The following OR51B5 variants were observed in gnomAD, a reference collection of about 807,000 sequenced individuals.
OR51B5 encodes olfactory receptor 51B5.
For synonymous variants in OR51B5, 186 were observed against 144.8 expected (o/e 1.28, Z -2.04); for missense variants, 456 against 374.6 (o/e 1.22, Z -1.79).
chr11:5,351,956 C>G lies in OR51B5; in HGVS notation n.85-5046G>C, dbSNP rs376314543. ...ATTGGTGTGCGGGTATTGACAAGGG[C>G]TGGTCTGTCCATTATGCCAATAGTT... On this transcript the variant is annotated intron_variant and non_coding_transcript_variant, in intron 1 of 4. Transcript: ENST00000415970. 5.0e-6 allele frequency: 8 copies of G among 1,612,884 alleles called. No individual in the cohort carries two copies. In the East Asian group the frequency reaches 1.6e-4, roughly 31 times the overall value.
intron 1 of OR51B5, among the ~76,000 whole-genome samples, chr11:5,358,514 C>A (rs1442007654): frequency 3.9e-5 from 6 of 152,084 alleles, no homozygotes; most frequent in Non-Finnish European, 7.4e-5. Flanking sequence ...GCTTACCAAC[C>A]AAAAACAGTC....
At chr11:5,434,419 A>C (rs1850567556) in intron 1 of OR51B5, among the ~76,000 whole-genome samples, 1 of 152,204 alleles carries the variant, frequency 6.6e-6, no homozygotes, top group East Asian at 1.9e-4. Context: ...GGATTTGCTT[A>C]TAACACTCCA....
chr11:5,396,841 G>T (rs1439776200), intron 1 of OR51B5, among the ~76,000 whole-genome samples: 2 of 152,040 alleles, frequency 1.3e-5, no homozygotes, highest in Non-Finnish European at 2.9e-5. Flanking sequence ...GCATAGTACT[G>T]GTACCAAAAC....
chr11:5,421,441 C>A (rs1254362006), intron 1 of OR51B5, among the ~76,000 whole-genome samples: 1 of 152,212 alleles, frequency 6.6e-6, no homozygotes, highest in Non-Finnish European at 1.5e-5. Context: ...TACGAGTTAT[C>A]CACTTAAAGC....
intron 1 of OR51B5, among the ~76,000 whole-genome samples, chr11:5,407,408 G>A (rs933601600): frequency 1.3e-5 from 2 of 151,986 alleles, no homozygotes. Flanking sequence ...TTCTGACTTC[G>A]CAGAATTGCA....
intron 1 of OR51B5, among the ~76,000 whole-genome samples, chr11:5,388,967 G>T (rs530266134): frequency 6.6e-6 from 1 of 152,112 alleles, no homozygotes. Context: ...ATAATGAAAA[G>T]TACAGATGTT....
At chr11:5,425,955 T>A (rs1850443654) in intron 1 of OR51B5, among the ~76,000 whole-genome samples, 1 of 152,224 alleles carries the variant, frequency 6.6e-6, no homozygotes, top group Non-Finnish European at 1.5e-5. Context: ...AAATTTGAAG[T>A]TGCCAAGGTG....
At chr11:5,429,169 C>A (rs1391578562) in intron 1 of OR51B5, among the ~76,000 whole-genome samples, 6 of 152,152 alleles carry the variant, frequency 3.9e-5, no homozygotes, top group Non-Finnish European at 8.8e-5. Flanking sequence ...CAATCAATAG[C>A]AGCACCTATT....
chr11:5,447,635 C>T (rs1383327877), intron 1 of OR51B5, among the ~76,000 whole-genome samples: 2 of 152,078 alleles, frequency 1.3e-5, no homozygotes, highest in Non-Finnish European at 2.9e-5. Context: ...GGGATTGAGC[C>T]TCTGCAAACT....
At chr11:5,340,708 A>C (rs1848880496), downstream of OR51B5, 2 of 152,204 alleles carry the variant, frequency 1.3e-5, no homozygotes, top group Non-Finnish European at 2.9e-5. Context: ...TACCATTCAC[A>C]CTGGCCTTAT....
intron 1 of OR51B5, among the ~76,000 whole-genome samples, chr11:5,445,482 C>A (rs1023091650): frequency 2.0e-5 from 3 of 151,996 alleles, no homozygotes; most frequent in Admixed American, 1.3e-4. Flanking sequence ...GTTTATTCCA[C>A]CAACCAAACA....
At chr11:5,476,490 G>A (rs1438745099) in intron 1 of OR51B5, among the ~76,000 whole-genome samples, 1 of 152,098 alleles carries the variant, frequency 6.6e-6, no homozygotes, top group Non-Finnish European at 1.5e-5. Flanking sequence ...GACATGTTTA[G>A]GTGCCCAAAA....
intron 1 of OR51B5, among the ~76,000 whole-genome samples, chr11:5,460,551 C>T (rs1851034994): frequency 1.3e-5 from 2 of 152,154 alleles, no homozygotes; most frequent in Non-Finnish European, 1.5e-5. Context: ...GCTTCCTTGC[C>T]ATCAGATTCT....
chr11:5,412,018 A>T (rs1369460342), intron 1 of OR51B5, among the ~76,000 whole-genome samples: 1 of 152,216 alleles, frequency 6.6e-6, no homozygotes, highest in East Asian at 1.9e-4. Flanking sequence ...TCTAAGATTA[A>T]AAAACAAAAA....
intron 1 of OR51B5, chr11:5,423,207 G>GA: frequency 6.8e-7 from 1 of 1,467,512 alleles, no homozygotes; most frequent in Non-Finnish European, 9.0e-7. Flanking sequence ...CTTAAGGGGG[G>GA]AATATATTCA....
intron 1 of OR51B5, among the ~76,000 whole-genome samples, chr11:5,401,926 C>T (rs1323483441): frequency 6.8e-6 from 1 of 146,694 alleles, no homozygotes; most frequent in African/African-American, 2.6e-5. Flanking sequence ...TCTCTTCTTT[C>T]CTTTTCTTTT....
At chr11:5,422,632 T>G (rs1377603333) in intron 1 of OR51B5, 1 of 1,613,980 alleles carries the variant, frequency 6.2e-7, no homozygotes, top group African/African-American at 1.3e-5. Context: ...AAGTCATTGG[T>G]AGAACTGGGT....
intron 1 of OR51B5, among the ~76,000 whole-genome samples, chr11:5,452,305 T>G (rs573246372): frequency 6.6e-6 from 1 of 151,630 alleles, no homozygotes; most frequent in Non-Finnish European, 1.5e-5. Flanking sequence ...GAGATCGAGA[T>G]CATCCTGGCT....
At chr11:5,436,862 C>G (rs889185510) in intron 1 of OR51B5, among the ~76,000 whole-genome samples, 1 of 150,940 alleles carries the variant, frequency 6.6e-6, no homozygotes, top group Non-Finnish European at 1.5e-5. Flanking sequence ...CTTGAGGGAG[C>G]TTTGTGAAGT....
Sources: gnomAD v4.1 joint callset for allele counts (sites outside exome capture counted in the v4.1 genomes callset) on GRCh38, gnomAD v4.1.1 for gene constraint, MANE v1.5 for transcripts, NCBI Gene and HGNC (gene_info 2026-07-23, HGNC 2026-07-21) for gene names.